LARP4B: variants seen among roughly 807,000 people sequenced by gnomAD.
The protein encoded by LARP4B is la-related protein 4B.
In LARP4B, 12 loss-of-function variants were observed where a neutral mutation model predicts 89.8. The observed-to-expected ratio is 0.13, with a 90% confidence interval of 0.09 to 0.22. The LOEUF (loss-of-function observed/expected upper bound fraction) is 0.22. Ranked by LOEUF, LARP4B falls within the 10% of genes least tolerant of loss-of-function variation. The probability of loss-of-function intolerance (pLI) is 1.00; values close to 1 mark genes in which losing one functional copy is unlikely to be tolerated. For synonymous variants in LARP4B, 367 were observed against 363.3 expected (o/e 1.01, Z -0.12); for missense variants, 757 against 947.7 (o/e 0.80, Z 2.64).
In LARP4B at chr10:814,751, T is replaced by C; in HGVS notation, c.1920A>G (p.Gly640=). 4 of 1,593,248 alleles carry C rather than the reference T, an allele frequency of 2.5e-6. No individual in the cohort carries two copies. The highest frequency in any genetic ancestry group is 2.6e-6 in the Non-Finnish European group (3 of 1,169,414). ...GGCACGAGGTACGTACCGTGGCGGC[T>C]CCGTTCACCTGCACCGATTTACACG... is the stretch of plus-strand genomic sequence containing the variant. The part of the protein sequence containing the change: ...ATACKSVQVN[G]AATELRKPSY... The change falls in exon 17 of 18, where the codon GGA becomes GGG. Residue 640 remains glycine, a synonymous_variant. Coordinates refer to ENST00000316157, the MANE Select transcript of LARP4B (RefSeq NM_015155.3). The surrounding 1 kb of genome is among the most constrained non-coding windows in gnomAD (Gnocchi z 4.4).
intron 1 of LARP4B, among the ~76,000 whole-genome samples, chr10:898,341 T>C (rs1243095159): frequency 6.6e-6 from 1 of 152,206 alleles, no homozygotes; most frequent in African/African-American, 2.4e-5. Context: ...TTTCTCAATA[T>C]GTTAAACACC....
intron 6 of LARP4B, 99 bp from the exon 7 acceptor site, chr10:843,167 T>C (rs1422809404): frequency 2.8e-5 from 30 of 1,059,966 alleles, no homozygotes; most frequent in Non-Finnish European, 3.5e-5. Context: ...TGTGGCATGG[T>C]ATTGCTTTGG....
At chr10:824,184 A>G (rs1044206929) in intron 13 of LARP4B, among the ~76,000 whole-genome samples, 3 of 152,192 alleles carry the variant, frequency 2.0e-5, no homozygotes, top group Non-Finnish European at 4.4e-5. Context: ...GCAAGGACTG[A>G]GAAGATCAAC....
intron 2 of LARP4B, among the ~76,000 whole-genome samples, chr10:885,063 T>C (rs934468333): frequency 1.3e-5 from 2 of 152,134 alleles, no homozygotes; most frequent in African/African-American, 4.8e-5. Flanking sequence ...ACATTGACAT[T>C]TGAGGAAACA....
chr10:894,092 C>G (rs1836119343), intron 1 of LARP4B, among the ~76,000 whole-genome samples: 1 of 152,158 alleles, frequency 6.6e-6, no homozygotes, highest in African/African-American at 2.4e-5. Flanking sequence ...TCATTGATGT[C>G]TGCTGAAATT....
intron 6 of LARP4B, 142 bp from the exon 7 acceptor site, chr10:843,210 T>G: frequency 1.3e-6 from 1 of 760,878 alleles, no homozygotes; most frequent in South Asian, 2.0e-5. Flanking sequence ...CATCTGTTAT[T>G]TGCTGTCTCT....
intron 5 of LARP4B, among the ~76,000 whole-genome samples, chr10:860,559 C>T (rs1374903220): frequency 6.6e-6 from 1 of 152,146 alleles, no homozygotes; most frequent in Non-Finnish European, 1.5e-5. Flanking sequence ...ATTGGCAAAG[C>T]CACATTTTGA....
At chr10:866,607 C>A (rs1487120932) in intron 3 of LARP4B, among the ~76,000 whole-genome samples, 4 of 152,200 alleles carry the variant, frequency 2.6e-5, no homozygotes, top group African/African-American at 9.6e-5. Flanking sequence ...CTAATACTTC[C>A]ATACATCACC....
At chr10:972,967 C>A in the LARP4B span, 3 of 436,146 alleles carry the variant, frequency 6.9e-6, no homozygotes, top group African/African-American at 6.1e-5. Context: ...AGTTCCTCCC[C>A]GTGCAGTAGG....
the LARP4B span, among the ~76,000 whole-genome samples, chr10:964,883 C>T: frequency 6.6e-6 from 1 of 152,146 alleles, no homozygotes; most frequent in African/African-American, 2.4e-5. Context: ...AGGCGGTGGA[C>T]AAGATAAACA....
chr10:855,158 G>A (rs1834241501), intron 5 of LARP4B, among the ~76,000 whole-genome samples: 1 of 152,166 alleles, frequency 6.6e-6, no homozygotes, highest in Admixed American at 6.5e-5. Context: ...TTTCTATCCA[G>A]ATCAAAGTTT....
intron 17 of LARP4B, 67 bp from the exon 18 acceptor site, chr10:813,280 G>C: frequency 6.9e-7 from 1 of 1,448,536 alleles, no homozygotes; most frequent in Non-Finnish European, 9.2e-7. Flanking sequence ...AGGAAATCAA[G>C]TTCACTTAAG....
At chr10:978,274 T>C in the LARP4B span, among the ~76,000 whole-genome samples, 75,885 of 151,928 alleles carry the variant, frequency 0.5, 19,306 homozygotes, top group East Asian at 0.62. Flanking sequence ...AACTTTCAGG[T>C]AGAATTTTGT....
At chr10:962,204 G>T in the LARP4B span, among the ~76,000 whole-genome samples, 1 of 150,150 alleles carries the variant, frequency 6.7e-6, no homozygotes, top group Non-Finnish European at 1.5e-5. Flanking sequence ...GCTGAGGCAG[G>T]AGAATCACTT....
chr10:921,299 G>A (rs1836971248), intron 1 of LARP4B, among the ~76,000 whole-genome samples: 1 of 151,754 alleles, frequency 6.6e-6, no homozygotes, highest in Non-Finnish European at 1.5e-5. Flanking sequence ...AAGAAAGAAA[G>A]AAAACTGGAA....
intron 1 of LARP4B, among the ~76,000 whole-genome samples, chr10:905,915 T>C (rs1836478649): frequency 6.6e-6 from 1 of 152,210 alleles, no homozygotes; most frequent in Non-Finnish European, 1.5e-5. Flanking sequence ...CACTCTACCC[T>C]CTTCCACTTC....
At chr10:842,876 G>A in intron 7 of LARP4B, 56 bp downstream of exon 7, 1 of 1,526,032 alleles carries the variant, frequency 6.6e-7, no homozygotes, top group Non-Finnish European at 9.0e-7. Context: ...GGTTCATGCT[G>A]ATAAGACAAA....
the LARP4B span, among the ~76,000 whole-genome samples, chr10:959,039 A>G: frequency 1.3e-5 from 2 of 152,186 alleles, no homozygotes; most frequent in African/African-American, 2.4e-5. Context: ...AGGTCCCCAC[A>G]GGCAACGGCC....
chr10:872,029 T>C (rs1835229705), intron 3 of LARP4B, among the ~76,000 whole-genome samples: 2 of 152,210 alleles, frequency 1.3e-5, no homozygotes, highest in African/African-American at 4.8e-5. Flanking sequence ...CACTTCCTAC[T>C]CCTGAGTTAC....
Sources: gnomAD v4.1 joint callset for allele counts (sites outside exome capture counted in the v4.1 genomes callset) on GRCh38, gnomAD v4.1.1 for gene constraint, Gnocchi (gnomAD v3.1) non-coding constraint, MANE v1.5 for transcripts, NCBI Gene and HGNC (gene_info 2026-07-23, HGNC 2026-07-21) for gene names.